Variants in KIF16B observed in about 807,000 individuals in gnomAD.
KIF16B encodes kinesin family member 16B.
A neutral mutation model predicts 156.3 loss-of-function variants in KIF16B; 98 were observed. The ratio of observed to expected loss-of-function variants is 0.63; its 90% CI spans 0.53 to 0.74. KIF16B has a LOEUF of 0.74. KIF16B is among the 30% of genes least tolerant of loss of function. The pLI is 0.00. For missense variants in KIF16B, 1,421 were observed against 1,606.5 expected (o/e 0.88, Z 1.97); for synonymous variants, 564 against 583.7 (o/e 0.97, Z 0.49).
intron 12 of KIF16B, among the ~76,000 whole-genome samples, chr20:16,434,929 G>C (rs1000019370): frequency 6.6e-6 from 1 of 152,082 alleles, no homozygotes; most frequent in Non-Finnish European, 1.5e-5. Context: ...TCAGGGCTTA[G>C]AGCACATGCC....
intron 12 of KIF16B, among the ~76,000 whole-genome samples, chr20:16,433,301 C>T (rs949148323): frequency 2.0e-5 from 3 of 152,054 alleles, no homozygotes; most frequent in Admixed American, 1.3e-4. Context: ...TGACCATTCT[C>T]GTAAGTCCAC....
chr20:16,439,618 G>A (rs954032081), intron 12 of KIF16B, among the ~76,000 whole-genome samples: 8 of 152,150 alleles, frequency 5.3e-5, no homozygotes, highest in African/African-American at 9.7e-5. Flanking sequence ...GAGTGAGATT[G>A]TATTAGTCCA....
chr20:16,511,345 A>C (rs945844870), intron 6 of KIF16B, 73 bp downstream of exon 6: 1 of 817,094 alleles, frequency 1.2e-6, no homozygotes, highest in Non-Finnish European at 2.0e-6. Flanking sequence ...CCATTATGCT[A>C]TATTTTTTCA....
chr20:16,351,958 C>T (rs533815341), intron 23 of KIF16B, among the ~76,000 whole-genome samples: 3 of 152,340 alleles, frequency 2.0e-5, no homozygotes, highest in Non-Finnish European at 2.9e-5. Flanking sequence ...TACTGTTATA[C>T]TCAGCTACAT....
chr20:16,486,098 A>G (rs1426236681), intron 12 of KIF16B, among the ~76,000 whole-genome samples: 1 of 152,212 alleles, frequency 6.6e-6, no homozygotes, highest in African/African-American at 2.4e-5. Flanking sequence ...TCAGAGGACG[A>G]GACTAGATGA....
intron 1 of KIF16B, among the ~76,000 whole-genome samples, chr20:16,534,572 A>G (rs879942676): frequency 2.0e-5 from 3 of 152,198 alleles, no homozygotes; most frequent in Non-Finnish European, 2.9e-5. Context: ...AGTCTCATCC[A>G]TAAAGTCTTT....
chr20:16,500,689 C>A (rs575881215), intron 10 of KIF16B, among the ~76,000 whole-genome samples: 1 of 152,046 alleles, frequency 6.6e-6, no homozygotes, highest in Non-Finnish European at 1.5e-5. Flanking sequence ...GTTTCTGCAC[C>A]GCTTTCTTTC....
Position 16,272,355 on chromosome 20 carries a change from T to G in KIF16B, c.*898A>C, listed in dbSNP as rs2062997497. On this transcript the variant is annotated 3_prime_UTR_variant, in exon 26 of 26. Coordinates refer to ENST00000354981, the MANE Select transcript of KIF16B (RefSeq NM_024704.5). ...TGTACACAGAAGTGCAATGCTACATTAAGTCCTGAGTAATTTAAGGTATCA... is the reference window on the plus strand; with the variant it reads ...TGTACACAGAAGTGCAATGCTACATGAAGTCCTGAGTAATTTAAGGTATCA... 1.3e-5 allele frequency: 2 copies of G among 152,628 alleles called. No individual in the cohort carries two copies. Among genetic ancestry groups the G allele is most frequent in the African/African-American group, 4.8e-5 (2 of 41,452 alleles). 9.5% of individuals were successfully genotyped at this position (152,628 alleles called of 1,614,324 possible).
At chr20:16,501,258 T>C (rs2068612566) in intron 10 of KIF16B, among the ~76,000 whole-genome samples, 1 of 118,682 alleles carries the variant, frequency 8.4e-6, no homozygotes, top group South Asian at 2.7e-4. Flanking sequence ...ACTACTTTTA[T>C]ACACCAAGAA....
At chr20:16,549,672 G>C (rs1600678637) in intron 1 of KIF16B, among the ~76,000 whole-genome samples, 4 of 149,816 alleles carry the variant, frequency 2.7e-5, no homozygotes, top group African/African-American at 9.8e-5. Flanking sequence ...GAACAGAACA[G>C]AGCCCTCAGA....
intron 10 of KIF16B, among the ~76,000 whole-genome samples, chr20:16,503,570 G>A (rs1032854003): frequency 1.3e-5 from 2 of 152,150 alleles, no homozygotes; most frequent in Non-Finnish European, 2.9e-5. Flanking sequence ...ATAAAGAAAA[G>A]CATTTCTTTT....
At chr20:16,413,681 A>G (rs2066013683) in intron 15 of KIF16B, among the ~76,000 whole-genome samples, 1 of 152,038 alleles carries the variant, frequency 6.6e-6, no homozygotes, top group Non-Finnish European at 1.5e-5. Flanking sequence ...TCCTAGTTCT[A>G]CATTTTACTT....
chr20:16,406,303 C>T, intron 16 of KIF16B, 71 bp downstream of exon 16: 1 of 1,300,964 alleles, frequency 7.7e-7, no homozygotes, highest in Non-Finnish European at 1.1e-6. Context: ...AGATTGGAAC[C>T]AGAGTGACCA....
At chr20:16,433,186 A>T (rs997376026) in intron 12 of KIF16B, among the ~76,000 whole-genome samples, 2 of 152,202 alleles carry the variant, frequency 1.3e-5, no homozygotes, top group African/African-American at 4.8e-5. Flanking sequence ...TGATGTCCTC[A>T]TGGGAAGGTT....
At chr20:16,451,684 A>T (rs1231734558) in intron 12 of KIF16B, among the ~76,000 whole-genome samples, 2 of 152,228 alleles carry the variant, frequency 1.3e-5, no homozygotes, top group Non-Finnish European at 2.9e-5. Context: ...CCAACTTCGT[A>T]TTCATGTCAC....
At chr20:16,383,354 A>C (rs1276635280) in intron 17 of KIF16B, among the ~76,000 whole-genome samples, 1 of 152,222 alleles carries the variant, frequency 6.6e-6, no homozygotes, top group Non-Finnish European at 1.5e-5. Context: ...AACTCATGGC[A>C]GTCTGCTTCC....
At chr20:16,431,911 T>TACACACACACACACACACACAC (rs1360937595) in intron 12 of KIF16B, among the ~76,000 whole-genome samples, 1 of 58,408 alleles carries the variant, frequency 1.7e-5, no homozygotes, top group African/African-American at 8.1e-5. Flanking sequence ...TATGTATACG[T>TACACACACACACACACACACAC]ATACACACAC....
At chr20:16,409,402 G>A (rs1372747224) in intron 15 of KIF16B, among the ~76,000 whole-genome samples, 2 of 152,032 alleles carry the variant, frequency 1.3e-5, no homozygotes, top group Non-Finnish European at 2.9e-5. Flanking sequence ...CAACTCAAAT[G>A]TTTCAGGATG....
At position 16,438,896 on chromosome 20, in the gene KIF16B, A is replaced by G. The variant is rs2066718872; in HGVS notation, c.1303-8914T>C. ...ATGTAATCCTTCAGGTAAGGGCTCT[A>G]TTAATTATGTTCTATGAATCACAAT... is the stretch of plus-strand genomic sequence containing the variant. On this transcript the variant is annotated intron_variant, in intron 12 of 25. Transcript: ENST00000354981. Among the ~76,000 whole-genome samples the G allele has an allele frequency of 2.6e-5, 4 of 152,340 alleles. No individual in the cohort carries two copies. The South Asian group carries it at 8.3e-4, about 32-fold the overall frequency.
Sources: allele counts gnomAD v4.1 joint callset (sites outside exome capture counted in the v4.1 genomes callset), GRCh38; gene constraint gnomAD v4.1.1; transcripts MANE v1.5; gene names NCBI Gene and HGNC (gene_info 2026-07-23, HGNC 2026-07-21).